Variants in NUDT17 observed in about 807,000 individuals in gnomAD.
The protein encoded by NUDT17 is m7GpppN-mRNA hydrolase NUDT17.
In NUDT17, 38 loss-of-function variants were observed where a neutral mutation model predicts 38.6. The observed-to-expected ratio is 0.98, with a 90% CI of 0.76 to 1.29. The LOEUF is 1.29. Among genes scored for constraint, NUDT17 ranks in the 50% most tolerant of loss-of-function variants. The pLI, the probability that NUDT17 is intolerant of heterozygous loss-of-function variation, is 0.00. For synonymous variants in NUDT17, 192 were observed against 167.8 expected, an observed-to-expected ratio of 1.14 and a Z score of -1.11; for missense variants, 462 against 415.2, an observed-to-expected ratio of 1.11 and a Z score of -0.98.
rs149964397 is a variant in NUDT17 at position 145,845,754 on chromosome 1, T to C, written c.114T>C (p.Ile38=). The C allele has an allele frequency of 5.4e-3, 8,454 of 1,577,122 alleles. 49 individuals carry two copies. The highest frequency in any genetic ancestry group is 7.6e-3 in the Middle Eastern group (46 of 6,016). ...GAGPGLGTWP[I]HCSLKRGRLV... Reference sequence around the variant, plus strand: ...GACCAGGGCTCGGGACGTGGCCCATTCACTGCAGCTTGAAGCGAGGACGGC... The same window carrying C: ...GACCAGGGCTCGGGACGTGGCCCATCCACTGCAGCTTGAAGCGAGGACGGC... The change falls in exon 1 of 8, where the codon ATT becomes ATC. Residue 38 remains isoleucine (I), a synonymous_variant. Coordinates refer to ENST00000334513, the MANE Select transcript of NUDT17 (RefSeq NM_001012758.3).
In NUDT17 at chr1:145,846,018, C is replaced by G; in HGVS notation, c.198C>G (p.Pro66=). The change falls in exon 2 of 8, where the codon CCC becomes CCG. Residue 66 remains proline (P), a synonymous_variant. Transcript: ENST00000334513. The stretch of plus-strand genomic sequence containing the variant: ...AGCTGGCTTCCTTCTGCCAGCGACC[C>G]CCTTTCTGCCCTTTTGCGGCCCTGG... ...GASARLPLQR[P]PFCPFAALEE... The G allele has an allele frequency of 6.2e-7, 1 of 1,600,388 alleles. No individual in the cohort carries two copies. The highest frequency in any genetic ancestry group is 8.5e-7 in the Non-Finnish European group (1 of 1,174,242).
rs1330341405 is a variant in NUDT17 at position 145,848,548 on chromosome 1, GAGAGCTTCACT to G, written c.*71_*81del. ...AACATTCACAACCTTTATTATGGGT[GAGAGCTTCACT>G]ACAACTTTAGAAATAAAAAGTAAAA... On this transcript the variant is annotated 3_prime_UTR_variant, in exon 8 of 8. Coordinates refer to ENST00000334513, the MANE Select transcript of NUDT17 (RefSeq NM_001012758.3). 1.2e-5 allele frequency: 13 copies of G among 1,059,032 alleles called. No homozygotes were observed. In the African/African-American group the frequency reaches 2.1e-4, roughly 17 times the overall value. 65.6% of individuals were successfully genotyped at this position (1,059,032 alleles called of 1,614,324 possible). A position where few individuals can be genotyped will look rare whatever the true frequency, so the allele number is the denominator to read the frequency against.
intron 1 of NUDT17, 24 bp downstream of exon 1, chr1:145,845,856 CG>C: frequency 1.3e-6 from 2 of 1,564,824 alleles, no homozygotes; most frequent in Admixed American, 3.8e-5. Context: ...GGCCCCAGAG[CG>C]GGGGCAGTGA....
rs782616554 is a variant in NUDT17 at position 145,847,235 on chromosome 1, G to A, written c.496-15G>A. 3 of 1,470,046 alleles carry A rather than the reference G, an allele frequency of 2.0e-6. No homozygotes were observed. The highest frequency in any genetic ancestry group is 2.8e-6 in the Non-Finnish European group (3 of 1,072,944). 91.1% of individuals were successfully genotyped at this position (1,470,046 alleles called of 1,614,324 possible). A position where few individuals can be genotyped will look rare whatever the true frequency, so the allele number is the denominator to read the frequency against. ...GTGACGGAAAGTTCTCACTTTTGCT[G>A]TTTTCTTTTCCTAGTCTGCCTACCC... On this transcript the variant is annotated splice_polypyrimidine_tract_variant and intron_variant, in intron 4 of 7. Transcript: ENST00000334513.
intron 3 of NUDT17, 64 bp downstream of exon 3, chr1:145,846,522 G>A (rs1553732532): frequency 6.2e-7 from 1 of 1,605,294 alleles, no homozygotes; most frequent in Non-Finnish European, 8.5e-7. Flanking sequence ...TTGGGTGTGG[G>A]CTGAGGGAGA....
intron 4 of NUDT17, 100 bp from the exon 5 acceptor site, chr1:145,847,150 C>A (rs180741054): frequency 3.8e-5 from 26 of 685,630 alleles, no homozygotes; most frequent in African/African-American, 3.2e-4. Context: ...GCCAAGATCA[C>A]GCCATTGCAT....
Position 145,846,096 on chromosome 1 carries a change from C to T in NUDT17, c.276C>T (p.Asp92=). 1.9e-6 allele frequency: 3 copies of T among 1,603,460 alleles called. No individual in the cohort carries two copies. Among genetic ancestry groups the T allele is most frequent in the Non-Finnish European group, 2.6e-6 (3 of 1,175,664 alleles). Residue 92 remains aspartate (D), a synonymous_variant, in exon 2 of 8, where the codon GAC becomes GAT. Coordinates refer to ENST00000334513, the MANE Select transcript of NUDT17 (RefSeq NM_001012758.3). ...GAELPTDRGV[D]LGVAVILQSS... ...AGCTGCCCACAGATCGAGGTGTGGA[C>T]CTGGGTGTGGCCGTCATTCTGCAGT...
At position 145,848,501 on chromosome 1, in the gene NUDT17, C is replaced by T. The variant is rs1652823837; in HGVS notation, c.*22C>T. 1 of 1,503,032 alleles carries T rather than the reference C, an allele frequency of 6.7e-7. No homozygotes were observed. Among genetic ancestry groups the T allele is most frequent in the African/African-American group, 1.4e-5 (1 of 72,692 alleles). The allele number at this position is 1,503,032 out of a possible 1,614,324, so 93.1% of individuals were successfully genotyped here. A position where few individuals can be genotyped will look rare whatever the true frequency, so the allele number is the denominator to read the frequency against. ...GTGAAGTGTAAAATCCCCTCCCTAG[C>T]CCATCTCCATGACACTCACAGAACA... On this transcript the variant is annotated 3_prime_UTR_variant, in exon 8 of 8. Coordinates refer to ENST00000334513, the MANE Select transcript of NUDT17 (RefSeq NM_001012758.3).
rs1570763789 is a variant in NUDT17 at position 145,846,123 on chromosome 1, C to T, written c.303C>T (p.Ser101=). ...VDLGVAVILQ[S]SDKTVLLTRR... ...TGGGTGTGGCCGTCATTCTGCAGTC[C>T]AGCGACAAGACTGTCTTGCTAACCC... The change falls in exon 2 of 8, where the codon TCC becomes TCT. Residue 101 remains serine (S), a synonymous_variant. Transcript: ENST00000334513. The T allele has an allele frequency of 1.2e-6, 2 of 1,600,650 alleles. No individual in the cohort carries two copies. The highest frequency in any genetic ancestry group is 1.7e-5 in the Admixed American group (1 of 57,580).
At position 145,846,155 on chromosome 1, in the gene NUDT17, C is replaced by A. The variant is rs1652655718; in HGVS notation, c.335C>A (p.Ala112Glu). 1 of 1,596,936 alleles carries A rather than the reference C, an allele frequency of 6.3e-7. No homozygotes were observed. The highest frequency in any genetic ancestry group is 8.5e-7 in the Non-Finnish European group (1 of 1,172,028). Reference sequence around the variant, plus strand: ...AAGACTGTCTTGCTAACCCGAAGGGCACGCACCCTGAGCGTTTCCCCCAAC... The same window carrying A: ...AAGACTGTCTTGCTAACCCGAAGGGAACGCACCCTGAGCGTTTCCCCCAAC... ...SDKTVLLTRR[A>E]RTLSVSPNLW... Residue 112 changes from alanine (A) to glutamate (E), a missense_variant, in exon 2 of 8, where the codon GCA becomes GAA. Ala to Glu is a moderately radical substitution (Grantham distance 107). Coordinates refer to ENST00000334513, the MANE Select transcript of NUDT17 (RefSeq NM_001012758.3).
intron 1 of NUDT17, 89 bp from the exon 2 acceptor site, chr1:145,845,924 C>A (rs1652630538): frequency 6.6e-7 from 1 of 1,524,576 alleles, no homozygotes; most frequent in African/African-American, 1.4e-5. Flanking sequence ...ACCCCGCCCC[C>A]AACGCGCGGT....
At chr1:145,847,445 G>A (rs1652758218) in intron 5 of NUDT17, 97 bp downstream of exon 5, 3 of 1,396,956 alleles carry the variant, frequency 2.1e-6, no homozygotes, top group Non-Finnish European at 3.0e-6. Flanking sequence ...GGCGGGGGTA[G>A]TCAGAGATAA....
chr1:145,848,144 G>A lies in NUDT17; in HGVS notation c.764G>A (p.Arg255Gln), dbSNP rs782410344. The change falls in exon 7 of 8, where the codon CGA becomes CAA. Residue 255 changes from arginine to glutamine, a missense_variant. Arg to Gln is a conservative substitution (Grantham distance 43). Coordinates refer to ENST00000334513, the MANE Select transcript of NUDT17 (RefSeq NM_001012758.3). ...GAACTAGAGGAGGATGGAAGAGCCC[G>A]ACCTCTGGTCCTGCACATGTCCACC... ...AVELEEDGRA[R>Q]PLVLHMSTLL... 8.1e-6 allele frequency: 13 copies of A among 1,613,862 alleles called. No homozygotes were observed. The highest frequency in any genetic ancestry group is 3.3e-5 in the South Asian group (3 of 91,066).
In NUDT17 at chr1:145,845,680, C is replaced by T. The variant is rs1327062333; in HGVS notation, c.40C>T (p.Pro14Ser). ...GGTGCAGCTGCTCCTGTCCCGGCGTCCGGAGTCGGTGAGCTTCGCACGGAG... is the reference window on the plus strand; with the variant it reads ...GGTGCAGCTGCTCCTGTCCCGGCGTTCGGAGTCGGTGAGCTTCGCACGGAG... ...VRVQLLLSRR[P>S]ESVSFARSVC... Residue 14 changes from proline (P) to serine (S), a missense_variant, in exon 1 of 8, where the codon CCG becomes TCG. Transcript: ENST00000334513. The T allele has an allele frequency of 2.0e-6, 3 of 1,536,996 alleles. No homozygotes were observed. Among genetic ancestry groups the T allele is most frequent in the Non-Finnish European group, 2.6e-6 (3 of 1,136,504 alleles).
At position 145,847,727 on chromosome 1, in the gene NUDT17, A is replaced by AGC; in HGVS notation, c.731+9_731+10insCG. ...CCTACCACCCTCTGTCCTGTAAGTA[A>AGC]GAGCTTCTCCCTCAGCCTCTAATAC... is the stretch of plus-strand genomic sequence containing the variant. On this transcript the variant is annotated intron_variant, in intron 6 of 7. Transcript: ENST00000334513. The AGC allele has an allele frequency of 6.2e-7, 1 of 1,613,900 alleles. No homozygotes were observed. The highest frequency in any genetic ancestry group is 1.1e-5 in the South Asian group (1 of 91,072).
rs1469130425 is a variant in NUDT17 at position 145,846,011 on chromosome 1, A to C, written c.193-2A>C. ...TTAACCCAGCTGGCTTCCTTCTGCCAGCGACCCCCTTTCTGCCCTTTTGCG... is the reference window on the plus strand; with the variant it reads ...TTAACCCAGCTGGCTTCCTTCTGCCCGCGACCCCCTTTCTGCCCTTTTGCG... On this transcript the variant is annotated splice_acceptor_variant, in intron 1 of 7. Transcript: ENST00000334513. LOFTEE classifies it high-confidence loss of function. 18 of 1,597,132 alleles carry C rather than the reference A, an allele frequency of 1.1e-5. No homozygotes were observed. The highest frequency in any genetic ancestry group is 1.3e-5 in the African/African-American group (1 of 74,818).
chr1:145,847,112 T>G (rs927380105), intron 4 of NUDT17, 138 bp from the exon 5 acceptor site: 2 of 590,834 alleles, frequency 3.4e-6, no homozygotes. Context: ...GAGAATTGCT[T>G]GAACCCAGGA....
Position 145,848,726 on chromosome 1 carries a change from A to C in NUDT17, c.*247A>C. ...ATGAGCCTCTAGAAGCTTAGGGGGG[A>C]ATAAGAAACACTGTGAACTTAGATA... On this transcript the variant is annotated 3_prime_UTR_variant, in exon 8 of 8. Transcript: ENST00000334513. 4.5e-6 allele frequency: 2 copies of C among 447,282 alleles called. No individual in the cohort carries two copies. Among genetic ancestry groups the C allele is most frequent in the Non-Finnish European group, 7.9e-6 (2 of 252,504 alleles). The allele number at this position is 447,282 out of a possible 1,614,324, so 27.7% of individuals were successfully genotyped here. A position where few individuals can be genotyped will look rare whatever the true frequency, so the allele number is the denominator to read the frequency against.
rs142717400 is a variant in NUDT17, at chr1:145,847,615, C to T, written c.627C>T (p.Ser209=). The change falls in exon 6 of 8, where the codon AGC becomes AGT. Residue 209 remains serine (S), a synonymous_variant. Transcript: ENST00000334513. ...TCCAACCAAACCCAAATGAGGTGAGCGCCCTTATGTGGCTGACACCAGATG... is the reference window on the plus strand; with the variant it reads ...TCCAACCAAACCCAAATGAGGTGAGTGCCCTTATGTGGCTGACACCAGATG... ...ARIQPNPNEV[S]ALMWLTPDVA... The T allele has an allele frequency of 2.4e-3, 3,852 of 1,613,754 alleles. 75 individuals are homozygous for T. In the African/African-American group the frequency reaches 0.045, roughly 19 times the overall value.
Sources: allele counts gnomAD v4.1 joint callset, GRCh38; gene constraint gnomAD v4.1.1; transcripts MANE v1.5; gene names NCBI Gene and HGNC (gene_info 2026-07-23, HGNC 2026-07-21).